RFTN2: variants seen among roughly 807,000 people sequenced by gnomAD.
RFTN2 encodes raftlin family member 2.
A neutral mutation model predicts 52.7 loss-of-function variants in RFTN2; 34 were observed. The observed-to-expected ratio is 0.64, with a 90% CI of 0.49 to 0.86. The LOEUF is 0.86. RFTN2 is among the 40% of genes least tolerant of loss of function. The pLI is 0.00. For synonymous variants in RFTN2, 203 were observed against 217.7 expected (o/e 0.93, Z 0.59); for missense variants, 536 against 600.1 (o/e 0.89, Z 1.12).
At chr2:197,666,158 C>T (rs1021684502) in intron 1 of RFTN2, among the ~76,000 whole-genome samples, 3 of 151,860 alleles carry the variant, frequency 2.0e-5, no homozygotes, top group Non-Finnish European at 4.4e-5. Context: ...GATCTTGGCT[C>T]ACTGCAACCT....
At chr2:197,619,180 C>A (rs558579852) in intron 5 of RFTN2, among the ~76,000 whole-genome samples, 1 of 151,914 alleles carries the variant, frequency 6.6e-6, no homozygotes, top group Non-Finnish European at 1.5e-5. Flanking sequence ...CGCCTCTGCC[C>A]GGCTGCGCCT....
intron 8 of RFTN2, among the ~76,000 whole-genome samples, chr2:197,587,552 C>A (rs565399939): frequency 6.6e-6 from 1 of 151,096 alleles, no homozygotes; most frequent in Non-Finnish European, 1.5e-5. Flanking sequence ...CAGAGAACAA[C>A]CCCCTTTGAC....
chr2:197,589,124 G>C (rs2087648004), intron 8 of RFTN2, among the ~76,000 whole-genome samples: 1 of 148,428 alleles, frequency 6.7e-6, no homozygotes, highest in Non-Finnish European at 1.5e-5. Context: ...AGGAGGCTGA[G>C]GCAGGCAGAA....
Position 197,571,763 on chromosome 2 carries a change from T to G in RFTN2, c.*245A>C. 1 of 517,232 alleles carries G rather than the reference T, an allele frequency of 1.9e-6. No individual in the cohort carries two copies. Among genetic ancestry groups the G allele is most frequent in the Non-Finnish European group, 3.4e-6 (1 of 290,412 alleles). The allele number at this position is 517,232 out of a possible 1,614,324, so 32.0% of individuals were successfully genotyped here. A position where few individuals can be genotyped will look rare whatever the true frequency, so the allele number is the denominator to read the frequency against. Reference sequence around the variant, plus strand: ...AATAGATTATTGTGTAATAACCGAATGGAACATCTGTTTAACCAGATGTTT... The same window carrying G: ...AATAGATTATTGTGTAATAACCGAAGGGAACATCTGTTTAACCAGATGTTT... On this transcript the variant is annotated 3_prime_UTR_variant, in exon 9 of 9. Transcript: ENST00000295049.
intron 1 of RFTN2, among the ~76,000 whole-genome samples, chr2:197,663,296 A>G (rs2106268875): frequency 6.6e-6 from 1 of 152,104 alleles, no homozygotes; most frequent in Admixed American, 6.6e-5. Context: ...ATTGGCCTGT[A>G]GTTTTCTTTT....
At chr2:197,602,252 G>A in intron 7 of RFTN2, among the ~76,000 whole-genome samples, 1 of 151,686 alleles carries the variant, frequency 6.6e-6, no homozygotes, top group Non-Finnish European at 1.5e-5. Context: ...TGTGTTTTTA[G>A]TAGAGACAGG....
chr2:197,592,069 G>A (rs532606247), intron 8 of RFTN2, among the ~76,000 whole-genome samples: 1 of 152,336 alleles, frequency 6.6e-6, no homozygotes, highest in Admixed American at 6.5e-5. Context: ...GGCTGAGGAG[G>A]CGCGGAGAGT....
chr2:197,619,187 G>A (rs1471604718), intron 5 of RFTN2, among the ~76,000 whole-genome samples: 4 of 150,268 alleles, frequency 2.7e-5, no homozygotes, highest in Admixed American at 6.6e-5. Context: ...GCCCGGCTGC[G>A]CCTACTGGGA....
chr2:197,642,840 G>A (rs146113211), intron 3 of RFTN2, among the ~76,000 whole-genome samples: 367 of 152,204 alleles, frequency 2.4e-3, no homozygotes, highest in African/African-American at 8.4e-3. Context: ...TTGGCTGGGC[G>A]TGGTGTCCCA....
At chr2:197,648,987 G>A (rs77573317) in intron 1 of RFTN2, among the ~76,000 whole-genome samples, 117 of 152,306 alleles carry the variant, frequency 7.7e-4, no homozygotes, top group African/African-American at 2.8e-3. Flanking sequence ...CTGTATTCAT[G>A]TCTTTCTATG....
At chr2:197,625,935 G>A (rs1393291100) in intron 5 of RFTN2, among the ~76,000 whole-genome samples, 3 of 151,614 alleles carry the variant, frequency 2.0e-5, no homozygotes, top group Non-Finnish European at 4.4e-5. Flanking sequence ...GGAACTACAG[G>A]CACCCACCAT....
chr2:197,613,134 T>C (rs1363112623), intron 7 of RFTN2, among the ~76,000 whole-genome samples: 1 of 152,156 alleles, frequency 6.6e-6, no homozygotes. Context: ...TGAACTAGAG[T>C]ATTTACATTT....
chr2:197,630,485 GTAAC>G (rs2088451545), intron 5 of RFTN2, among the ~76,000 whole-genome samples: 1 of 151,976 alleles, frequency 6.6e-6, no homozygotes, highest in South Asian at 2.1e-4. Context: ...ATACTCCACT[GTAAC>G]TAAATGAGGA....
chr2:197,631,006 C>T lies in RFTN2; in HGVS notation c.928+5G>A, dbSNP rs200064085. ...GATATAAAATATCATTAACATAAAA[C>T]TTACCTTTAGATGTTTCCCAGAATA... is the stretch of plus-strand genomic sequence containing the variant. On this transcript the variant is annotated splice_donor_5th_base_variant and intron_variant, in intron 5 of 8. Coordinates refer to ENST00000295049, the MANE Select transcript of RFTN2 (RefSeq NM_144629.3). 1,549 of 1,563,484 alleles carry T rather than the reference C, an allele frequency of 9.9e-4. 1 individual carries two copies. The highest frequency in any genetic ancestry group is 1.3e-3 in the Non-Finnish European group (1,476 of 1,137,338).
At chr2:197,622,946 C>A (rs550599509) in intron 5 of RFTN2, among the ~76,000 whole-genome samples, 1 of 152,144 alleles carries the variant, frequency 6.6e-6, no homozygotes, top group African/African-American at 2.4e-5. Context: ...AAAAAAGATG[C>A]CTTTCAAAAT....
At chr2:197,575,767 T>G (rs1332310999) in intron 8 of RFTN2, among the ~76,000 whole-genome samples, 2 of 125,126 alleles carry the variant, frequency 1.6e-5, no homozygotes, top group African/African-American at 2.9e-5. Flanking sequence ...TTTATATATA[T>G]AATATATATT....
At chr2:197,608,356 G>A (rs1027725834) in intron 7 of RFTN2, among the ~76,000 whole-genome samples, 4 of 147,078 alleles carry the variant, frequency 2.7e-5, no homozygotes, top group Non-Finnish European at 4.5e-5. Flanking sequence ...CTGTTACCCA[G>A]GCTGGCGTGC....
chr2:197,631,961 C>A (rs2088475692), intron 4 of RFTN2, among the ~76,000 whole-genome samples: 1 of 152,020 alleles, frequency 6.6e-6, no homozygotes, highest in Non-Finnish European at 1.5e-5. Flanking sequence ...TTATTGCTAC[C>A]CCCATTCTCC....
intron 3 of RFTN2, 95 bp from the exon 4 acceptor site, chr2:197,634,092 T>C (rs1369266164): frequency 9.5e-7 from 1 of 1,050,618 alleles, no homozygotes; most frequent in African/African-American, 1.6e-5. Flanking sequence ...GGAAATCCAC[T>C]AGAAGATGGA....
Sources: gnomAD v4.1 joint callset for allele counts (sites outside exome capture counted in the v4.1 genomes callset) on GRCh38, gnomAD v4.1.1 for gene constraint, MANE v1.5 for transcripts, NCBI Gene and HGNC (gene_info 2026-07-23, HGNC 2026-07-21) for gene names.